Variants in CDYL2 observed in about 807,000 individuals in gnomAD.
CDYL2 encodes chromodomain Y-like protein 2.
Under a neutral mutation model 49.4 loss-of-function variants are expected in CDYL2, and 23 were observed. The ratio of observed to expected loss-of-function variants is 0.47; its 90% CI spans 0.34 to 0.66. The LOEUF (loss-of-function observed/expected upper bound fraction) is 0.66. Ranked by LOEUF, CDYL2 falls within the 30% of genes least tolerant of loss-of-function variation. The pLI is 0.01. For synonymous variants in CDYL2, 360 were observed against 268.8 expected (o/e 1.34, Z -3.32); for missense variants, 678 against 656.4 (o/e 1.03, Z -0.36).
intron 1 of CDYL2, among the ~76,000 whole-genome samples, chr16:80,751,034 C>A (rs936531619): frequency 6.6e-6 from 1 of 151,680 alleles, no homozygotes; most frequent in Non-Finnish European, 1.5e-5. Context: ...AAAAAAGTTA[C>A]TTCAAACTTT....
intron 1 of CDYL2, among the ~76,000 whole-genome samples, chr16:80,700,678 T>C (rs1397018273): frequency 6.6e-6 from 1 of 152,248 alleles, no homozygotes; most frequent in African/African-American, 2.4e-5. Flanking sequence ...TACGAATAGC[T>C]ATATATGTTC....
intron 1 of CDYL2, among the ~76,000 whole-genome samples, chr16:80,724,208 G>C (rs776484469): frequency 4.2e-5 from 6 of 143,540 alleles, no homozygotes; most frequent in Non-Finnish European, 7.5e-5. Context: ...GGAAGGAAGA[G>C]GAGAAGAAAG....
intron 2 of CDYL2, among the ~76,000 whole-genome samples, chr16:80,643,660 C>T (rs1908204814): frequency 6.6e-6 from 1 of 152,374 alleles, no homozygotes; most frequent in Admixed American, 6.5e-5. Context: ...AGGCTCAACA[C>T]CACATGGAAG....
chr16:80,700,388 AAATT>A (rs1904294390), intron 1 of CDYL2, among the ~76,000 whole-genome samples: 1 of 152,254 alleles, frequency 6.6e-6, no homozygotes, highest in African/African-American at 2.4e-5. Context: ...ATCAAAAATA[AAATT>A]AAATGACAAT....
Position 80,764,700 on chromosome 16 carries a change from G to T in CDYL2, c.24+39450C>A, listed in dbSNP as rs978815317. Among the ~76,000 whole-genome samples the T allele has an allele frequency of 2.6e-5, 4 of 152,050 alleles. No individual in the cohort carries two copies. In the East Asian group the frequency reaches 5.8e-4, roughly 22 times the overall value. On this transcript the variant is annotated intron_variant, in intron 1 of 6. Coordinates refer to ENST00000570137, the MANE Select transcript of CDYL2 (RefSeq NM_152342.4). ...GTGGTCATCGCCATCCGTGGGAAAA[G>T]AAGTTAAGAAAATAATAATAATTAA... is the stretch of plus-strand genomic sequence containing the variant.
chr16:80,749,214 A>T (rs560140094), intron 1 of CDYL2, among the ~76,000 whole-genome samples: 1 of 152,230 alleles, frequency 6.6e-6, no homozygotes, highest in Non-Finnish European at 1.5e-5. Flanking sequence ...TTATGATTTA[A>T]AAAACAACAG....
chr16:80,638,120 G>T (rs764636850), intron 2 of CDYL2, among the ~76,000 whole-genome samples: 7 of 152,010 alleles, frequency 4.6e-5, no homozygotes, highest in African/African-American at 7.2e-5. Context: ...TGTCACCCAG[G>T]CTGGAGTACA....
At chr16:80,789,381 C>A (rs1344549746) in intron 1 of CDYL2, among the ~76,000 whole-genome samples, 12 of 152,166 alleles carry the variant, frequency 7.9e-5, no homozygotes, top group Non-Finnish European at 1.8e-4. Flanking sequence ...GGGGGTGGAT[C>A]ACGAGGTCAG....
At chr16:80,772,235 T>C (rs1231448327) in intron 1 of CDYL2, among the ~76,000 whole-genome samples, 2 of 152,200 alleles carry the variant, frequency 1.3e-5, no homozygotes, top group African/African-American at 4.8e-5. Context: ...GAGTGTTTTT[T>C]AGAAAATAAT....
chr16:80,765,081 T>C (rs1664561627), intron 1 of CDYL2, among the ~76,000 whole-genome samples: 1 of 146,632 alleles, frequency 6.8e-6, no homozygotes, highest in African/African-American at 2.5e-5. Context: ...AAAAAGAATT[T>C]AGTTCCTCAT....
Position 80,703,852 on chromosome 16 carries a change from G to A in CDYL2, c.25-18723C>T, listed in dbSNP as rs148538826. 9.6e-3 allele frequency among the ~76,000 whole-genome samples: 1,463 copies of A among 152,220 alleles called. 12 individuals are homozygous for A. The highest frequency in any genetic ancestry group is 0.016 in the Non-Finnish European group (1,105 of 68,016). On this transcript the variant is annotated intron_variant, in intron 1 of 6. Coordinates refer to ENST00000570137, the MANE Select transcript of CDYL2 (RefSeq NM_152342.4). The stretch of plus-strand genomic sequence containing the variant: ...AGCTTGGATGACAAGCCTCACCTGC[G>A]GAGCCACGTTAGCATCAAACTTTGC...
chr16:80,771,811 GAA>G (rs1364555955), intron 1 of CDYL2, among the ~76,000 whole-genome samples: 2 of 151,970 alleles, frequency 1.3e-5, no homozygotes, highest in East Asian at 3.9e-4. Flanking sequence ...AGGCCTCAGA[GAA>G]AGAGTTTTAA....
intron 2 of CDYL2, among the ~76,000 whole-genome samples, chr16:80,657,935 G>A (rs1034867708): frequency 3.3e-5 from 5 of 151,966 alleles, no homozygotes; most frequent in Admixed American, 2.6e-4. Flanking sequence ...AAACTACGAT[G>A]CACCCACACA....
chr16:80,660,583 A>G (rs1328679589), intron 2 of CDYL2, among the ~76,000 whole-genome samples: 1 of 152,230 alleles, frequency 6.6e-6, no homozygotes, highest in African/African-American at 2.4e-5. Flanking sequence ...AAGAATGGGT[A>G]AAAATAAAAT....
chr16:80,758,055 T>C (rs925567272), intron 1 of CDYL2, among the ~76,000 whole-genome samples: 1 of 152,086 alleles, frequency 6.6e-6, no homozygotes, highest in African/African-American at 2.4e-5. Context: ...GTATGGTATC[T>C]AAGGAAGAAT....
At chr16:80,778,719 C>T (rs938200335) in intron 1 of CDYL2, among the ~76,000 whole-genome samples, 1 of 151,744 alleles carries the variant, frequency 6.6e-6, no homozygotes, top group African/African-American at 2.4e-5. Flanking sequence ...CAGAAATAAA[C>T]AAAAAATTTT....
chr16:80,722,717 G>A (rs115688527), intron 1 of CDYL2, among the ~76,000 whole-genome samples: 1,906 of 152,272 alleles, frequency 0.013, 36 homozygotes, highest in African/African-American at 0.044. Context: ...CCAAGATACT[G>A]TGCTCCTTCT....
chr16:80,683,402 G>A (rs920218296), intron 2 of CDYL2, among the ~76,000 whole-genome samples: 2 of 152,244 alleles, frequency 1.3e-5, no homozygotes, highest in African/African-American at 4.8e-5. Flanking sequence ...CAGGTAAGGG[G>A]CAATGTGACC....
intron 1 of CDYL2, among the ~76,000 whole-genome samples, chr16:80,754,535 G>C (rs182007658): frequency 6.6e-6 from 1 of 152,166 alleles, no homozygotes; most frequent in African/African-American, 2.4e-5. Context: ...GTGGCCTCAC[G>C]TGGTCAAGAG....
Sources: gnomAD v4.1 joint callset for allele counts (sites outside exome capture counted in the v4.1 genomes callset) on GRCh38, gnomAD v4.1.1 for gene constraint, MANE v1.5 for transcripts, NCBI Gene and HGNC (gene_info 2026-07-23, HGNC 2026-07-21) for gene names.